Variants in PVT1 observed in about 807,000 individuals in gnomAD.
PVT1 encodes the protein CXCR4/PVT1 fusion.
chr8:128,053,099 G>A (rs968951717), intron 4 of PVT1, among the ~76,000 whole-genome samples: 2 of 152,208 alleles, frequency 1.3e-5, no homozygotes, highest in Non-Finnish European at 2.9e-5. Context: ...TTTGTGCTCT[G>A]GGCACAGAGT....
intron 5 of PVT1, among the ~76,000 whole-genome samples, chr8:128,075,648 G>A (rs992708202): frequency 6.6e-6 from 1 of 152,064 alleles, no homozygotes; most frequent in Admixed American, 6.5e-5. Context: ...AAGTGTATAC[G>A]CATGCACATA....
intron 2 of PVT1, among the ~76,000 whole-genome samples, chr8:127,871,101 C>T (rs1188630323): frequency 6.6e-6 from 1 of 152,206 alleles, no homozygotes; most frequent in Non-Finnish European, 1.5e-5. Flanking sequence ...CTGTCTACCT[C>T]CTCTGCAAGG....
At chr8:127,916,665 C>T (rs1815989403) in intron 3 of PVT1, among the ~76,000 whole-genome samples, 1 of 152,168 alleles carries the variant, frequency 6.6e-6, no homozygotes, top group African/African-American at 2.4e-5. Context: ...CAGCTTTGTC[C>T]TCCTCTCATC....
intron 2 of PVT1, among the ~76,000 whole-genome samples, chr8:127,857,323 CT>C (rs11291835): frequency 0.11 from 16,340 of 151,978 alleles, 1,053 homozygotes; most frequent in African/African-American, 0.17. Context: ...CTCTTTTGGG[CT>C]CTTGATGACT....
In PVT1 at chr8:128,074,539, G is replaced by C. The variant is rs540628927; in HGVS notation, n.1114+4178G>C. ...CTGTCTAAAAAAAAAAAAAAAAAGG[G>C]GGGGGCTCCTTCCCACTCATTTCTC... On this transcript the variant is annotated intron_variant and non_coding_transcript_variant, in intron 5 of 10. Coordinates refer to ENST00000651587, the Ensembl canonical transcript of PVT1. 7.5e-3 allele frequency among the ~76,000 whole-genome samples: 1,130 copies of C among 151,302 alleles called. 12 individuals carry two copies. The highest frequency in any genetic ancestry group is 0.017 in the South Asian group (79 of 4,730).
intron 2 of PVT1, among the ~76,000 whole-genome samples, chr8:127,806,054 A>G (rs537340409): frequency 8.5e-5 from 13 of 152,384 alleles, no homozygotes; most frequent in Non-Finnish European, 1.6e-4. Context: ...TTTATAACAC[A>G]TTACAAAACA....
At chr8:127,893,698 G>A (rs1202001643) in intron 3 of PVT1, among the ~76,000 whole-genome samples, 4 of 152,176 alleles carry the variant, frequency 2.6e-5, no homozygotes, top group Non-Finnish European at 2.9e-5. Flanking sequence ...CTTGGCCACT[G>A]GTGACTGTGA....
intron 2 of PVT1, chr8:127,852,206 A>G (rs1658680248): frequency 6.6e-6 from 1 of 152,274 alleles, no homozygotes; most frequent in South Asian, 2.1e-4. Flanking sequence ...AGCAGTGACT[A>G]CAGCTGGAAG....
chr8:127,958,535 G>A (rs757223830), intron 3 of PVT1, among the ~76,000 whole-genome samples: 3 of 152,116 alleles, frequency 2.0e-5, no homozygotes, highest in South Asian at 2.1e-4. Context: ...CACCATGCCC[G>A]GCCCATGCTT....
At chr8:127,835,341 C>T (rs887719069) in intron 2 of PVT1, among the ~76,000 whole-genome samples, 12 of 151,354 alleles carry the variant, frequency 7.9e-5, no homozygotes, top group African/African-American at 2.4e-4. Flanking sequence ...CAAATTAACA[C>T]AGGAACGAAA....
intron 4 of PVT1, among the ~76,000 whole-genome samples, chr8:128,044,881 T>C (rs1813593104): frequency 6.6e-6 from 1 of 152,250 alleles, no homozygotes. Context: ...GTGAGCCTTA[T>C]TCATTCCAGC....
chr8:127,860,168 G>C (rs1815204916), intron 2 of PVT1, among the ~76,000 whole-genome samples: 1 of 152,198 alleles, frequency 6.6e-6, no homozygotes, highest in South Asian at 2.1e-4. Flanking sequence ...CTCCCAGTGA[G>C]CTCCAGGAGA....
At chr8:128,009,935 G>T (rs546736617) in intron 4 of PVT1, among the ~76,000 whole-genome samples, 4 of 152,336 alleles carry the variant, frequency 2.6e-5, no homozygotes, top group East Asian at 3.9e-4. Flanking sequence ...AATACAGCAT[G>T]ATTTCAGGAA....
chr8:127,956,020 TCATA>T (rs1816565040), intron 3 of PVT1, among the ~76,000 whole-genome samples: 1 of 152,266 alleles, frequency 6.6e-6, no homozygotes, highest in Non-Finnish European at 1.5e-5. Flanking sequence ...AATTTGCCTG[TCATA>T]CTGTACCACC....
At chr8:127,989,669 T>C (rs1248507117) in intron 4 of PVT1, among the ~76,000 whole-genome samples, 1 of 152,170 alleles carries the variant, frequency 6.6e-6, no homozygotes, top group Non-Finnish European at 1.5e-5. Context: ...GAAACACCTT[T>C]GGGACATCCA....
intron 2 of PVT1, among the ~76,000 whole-genome samples, chr8:127,804,676 A>T (rs1488758309): frequency 2.7e-5 from 4 of 148,662 alleles, no homozygotes; most frequent in African/African-American, 9.9e-5. Flanking sequence ...AGTAGCTGGG[A>T]TGCCACCGTG....
chr8:127,914,276 A>AGGC (rs1489718911), intron 3 of PVT1, among the ~76,000 whole-genome samples: 1 of 55,654 alleles, frequency 1.8e-5, no homozygotes, highest in African/African-American at 1.0e-4. Context: ...AAAAAAAAAA[A>AGGC]AAAAAAAAAA....
At chr8:128,046,195 A>C (rs113625741) in intron 4 of PVT1, among the ~76,000 whole-genome samples, 2,683 of 152,346 alleles carry the variant, frequency 0.018, 31 homozygotes, top group Non-Finnish European at 0.024. Flanking sequence ...AGGGGACAAG[A>C]GAGATGGCAG....
At chr8:127,799,076 ACTAT>A (rs1305014213) in intron 2 of PVT1, among the ~76,000 whole-genome samples, 1 of 151,942 alleles carries the variant, frequency 6.6e-6, no homozygotes, top group Non-Finnish European at 1.5e-5. Flanking sequence ...GAAATTCCGA[ACTAT>A]CTGTTTTTTT....
Sources: gnomAD v4.1 joint callset for allele counts (sites outside exome capture counted in the v4.1 genomes callset) on GRCh38, gnomAD v4.1.1 for gene constraint, MANE v1.5 for transcripts, NCBI Gene and HGNC (gene_info 2026-07-23, HGNC 2026-07-21) for gene names.